PTPRD: variants seen among roughly 807,000 people sequenced by gnomAD.
PTPRD encodes the protein receptor-type tyrosine-protein phosphatase delta.
PTPRD carries 34 observed loss-of-function variants against 214.5 expected under a neutral mutation model. That is an observed-to-expected ratio of 0.16 (90% CI 0.12 to 0.21). The LOEUF is 0.21. PTPRD is among the 10% of genes least tolerant of loss of function. PTPRD has a pLI of 1.00. For synonymous variants in PTPRD, 1,128 were observed against 845.7 expected, an observed-to-expected ratio of 1.33 and a Z score of -5.79; for missense variants, 2,545 against 2,398.7, an observed-to-expected ratio of 1.06 and a Z score of -1.27.
intron 43 of PTPRD, 128 bp from the exon 44 acceptor site, chr9:8,331,864 G>C (rs1200004470): frequency 9.0e-7 from 1 of 1,105,286 alleles, no homozygotes; most frequent in African/African-American, 1.6e-5. Flanking sequence ...TTAGGAACAT[G>C]TTTAAATAGA....
chr9:9,608,937 C>T (rs1471150546), intron 7 of PTPRD, among the ~76,000 whole-genome samples: 1 of 152,168 alleles, frequency 6.6e-6, no homozygotes, highest in Non-Finnish European at 1.5e-5. Context: ...AAAAATACTA[C>T]TTCCCTTTGT....
intron 9 of PTPRD, among the ~76,000 whole-genome samples, chr9:9,309,583 G>T (rs1355177986): frequency 1.3e-5 from 2 of 152,042 alleles, no homozygotes; most frequent in Non-Finnish European, 2.9e-5. Context: ...CAGATTTAAA[G>T]AAAACTCTCC....
chr9:8,797,130 A>G (rs1480894421), intron 11 of PTPRD: 1 of 152,200 alleles, frequency 6.6e-6, no homozygotes, highest in Non-Finnish European at 1.5e-5. Context: ...TGATCATGTT[A>G]TAAAATAAAT....
chr9:9,904,581 C>A lies in PTPRD; in HGVS notation c.-368+33926G>T, dbSNP rs139013770. 5.4e-3 allele frequency among the ~76,000 whole-genome samples: 817 copies of A among 152,008 alleles called. 5 individuals are homozygous for A. The highest frequency in any genetic ancestry group is 0.025 in the South Asian group (122 of 4,814). ...CAGTAATTTTTTTAGCCTTAGCTTC[C>A]TTCCACACCTACAAAATAAGCAGAA... On this transcript the variant is annotated intron_variant, in intron 5 of 45. Coordinates refer to ENST00000381196, the MANE Select transcript of PTPRD (RefSeq NM_002839.4).
intron 2 of PTPRD, among the ~76,000 whole-genome samples, chr9:10,595,317 GATA>G (rs1047492164): frequency 6.6e-4 from 101 of 151,922 alleles, no homozygotes; most frequent in African/African-American, 2.4e-3. Flanking sequence ...AACTATAAAA[GATA>G]ATGAGGCAAT....
chr9:10,502,998 T>C (rs1448473108), intron 2 of PTPRD, among the ~76,000 whole-genome samples: 1 of 151,966 alleles, frequency 6.6e-6, no homozygotes, highest in Non-Finnish European at 1.5e-5. Flanking sequence ...TTGTTTTTGC[T>C]TTATTTTGAA....
At chr9:9,344,942 A>G (rs2048254753) in intron 9 of PTPRD, among the ~76,000 whole-genome samples, 1 of 152,110 alleles carries the variant, frequency 6.6e-6, no homozygotes, top group African/African-American at 2.4e-5. Context: ...TTCTGAAAAA[A>G]TGTTACTTTG....
intron 5 of PTPRD, among the ~76,000 whole-genome samples, chr9:9,893,684 T>G (rs542645372): frequency 2.2e-4 from 33 of 152,240 alleles, no homozygotes; most frequent in Non-Finnish European, 3.4e-4. Flanking sequence ...AAAGGGAGTT[T>G]GAAATACCAT....
At position 8,319,902 on chromosome 9, in the gene PTPRD, C is replaced by T. The variant is rs2130711188; in HGVS notation, c.5599G>A (p.Glu1867Lys). 1.2e-6 allele frequency: 2 copies of T among 1,613,144 alleles called. No individual in the cohort carries two copies. The highest frequency in any genetic ancestry group is 1.1e-5 in the South Asian group (1 of 91,054). Reference protein sequence around the residue: ...LSIVLERMRYEGVVDIFQTVK... With the variant: ...LSIVLERMRYKGVVDIFQTVK... ...GTCTGGAAGATATCTACAACTCCTT[C>T]ATATCTCATTCTTTCCAAAACAATG... Residue 1867 changes from glutamate to lysine, a missense_variant, in exon 45 of 46, where the codon GAA (glutamate) becomes AAA (lysine). Coordinates refer to ENST00000381196, the MANE Select transcript of PTPRD (RefSeq NM_002839.4).
At chr9:9,200,415 G>A (rs2099941186) in intron 9 of PTPRD, among the ~76,000 whole-genome samples, 1 of 152,144 alleles carries the variant, frequency 6.6e-6, no homozygotes, top group Non-Finnish European at 1.5e-5. Flanking sequence ...TCTGAATCAT[G>A]TAGGTATTAA....
chr9:9,802,010 T>G (rs10491919), intron 5 of PTPRD, among the ~76,000 whole-genome samples: 4 of 151,992 alleles, frequency 2.6e-5, no homozygotes, highest in African/African-American at 9.7e-5. Context: ...TTGGTGAGTA[T>G]TGAGAAAAAA....
intron 11 of PTPRD, among the ~76,000 whole-genome samples, chr9:8,808,226 G>GT (rs1326327580): frequency 6.6e-6 from 1 of 152,126 alleles, no homozygotes; most frequent in Non-Finnish European, 1.5e-5. Flanking sequence ...TGGAATAGAG[G>GT]TTTCTTTAGT....
intron 11 of PTPRD, among the ~76,000 whole-genome samples, chr9:8,803,608 C>T (rs564005157): frequency 1.9e-4 from 29 of 152,058 alleles, no homozygotes; most frequent in Non-Finnish European, 2.9e-4. Context: ...TGGCACAGGC[C>T]TATAGTCCTG....
intron 3 of PTPRD, among the ~76,000 whole-genome samples, chr9:10,132,879 C>G (rs2098908111): frequency 6.6e-6 from 1 of 152,140 alleles, no homozygotes; most frequent in Non-Finnish European, 1.5e-5. Context: ...TGTTTATGCC[C>G]TTATGCAATC....
intron 14 of PTPRD, among the ~76,000 whole-genome samples, chr9:8,535,666 T>C (rs962650256): frequency 6.6e-6 from 1 of 151,918 alleles, no homozygotes; most frequent in African/African-American, 2.4e-5. Context: ...GAAGGCTATA[T>C]GGCTTTCTTA....
chr9:8,324,870 CAT>C (rs1304993954), intron 44 of PTPRD, among the ~76,000 whole-genome samples: 2 of 152,126 alleles, frequency 1.3e-5, no homozygotes, highest in Non-Finnish European at 1.5e-5. Flanking sequence ...AGCATTTTTT[CAT>C]ATGTTTGTCT....
chr9:8,699,310 C>A lies in PTPRD; in HGVS notation c.64+34470G>T. ...TGCAGGGCCTTTCAACATATCCCCA[C>A]AGAAAGATGAGGCAGACAAAGAAAC... is the stretch of plus-strand genomic sequence containing the variant. On this transcript the variant is annotated intron_variant, in intron 12 of 45. Coordinates refer to ENST00000381196, the MANE Select transcript of PTPRD (RefSeq NM_002839.4). 1.3e-5 allele frequency among the ~76,000 whole-genome samples: 2 copies of A among 152,126 alleles called. 1 individual carries two copies. Among genetic ancestry groups the A allele is most frequent in the Non-Finnish European group, 2.9e-5 (2 of 68,002 alleles).
chr9:10,478,203 AAAAGT>A (rs968676693), intron 2 of PTPRD, among the ~76,000 whole-genome samples: 1 of 152,194 alleles, frequency 6.6e-6, no homozygotes, highest in African/African-American at 2.4e-5. Flanking sequence ...GTTAAACTAG[AAAAGT>A]ATAGTCATTA....
At chr9:8,436,928 G>C (rs1483628019) in intron 34 of PTPRD, among the ~76,000 whole-genome samples, 1 of 152,186 alleles carries the variant, frequency 6.6e-6, no homozygotes, top group Non-Finnish European at 1.5e-5. Flanking sequence ...AACACTCCTA[G>C]TGTAAAAGAA....
Sources: gnomAD v4.1 joint callset for allele counts (sites outside exome capture counted in the v4.1 genomes callset) on GRCh38, gnomAD v4.1.1 for gene constraint, MANE v1.5 for transcripts, NCBI Gene and HGNC (gene_info 2026-07-23, HGNC 2026-07-21) for gene names.